FHIT: variants seen among roughly 807,000 people sequenced by gnomAD.
The protein encoded by FHIT is fragile histidine triad diadenosine triphosphatase.
FHIT carries 19 observed loss-of-function variants against 17.9 expected under a neutral mutation model. The observed-to-expected ratio is 1.06, with a 90% CI of 0.74 to 1.56. The LOEUF is 1.56. Ranked by LOEUF, FHIT falls within the 40% of genes most tolerant of loss-of-function variation. The pLI is 0.00. For synonymous variants in FHIT, 81 were observed against 69.7 expected, an observed-to-expected ratio of 1.16 and a Z score of -0.81; for missense variants, 248 against 189.2, an observed-to-expected ratio of 1.31 and a Z score of -1.82.
chr3:60,504,299 T>C (rs547985451), intron 5 of FHIT, among the ~76,000 whole-genome samples: 3 of 152,160 alleles, frequency 2.0e-5, no homozygotes, highest in Non-Finnish European at 4.4e-5. Flanking sequence ...CTGGGCATGG[T>C]GGCACGCGCC....
chr3:60,588,515 G>A (rs1250096635), intron 4 of FHIT, among the ~76,000 whole-genome samples: 30 of 151,704 alleles, frequency 2.0e-4, no homozygotes, highest in Non-Finnish European at 4.4e-5. Context: ...GGGAAGGAAG[G>A]GTATAGAGAT....
At chr3:60,742,421 T>C (rs1156727841) in intron 4 of FHIT, among the ~76,000 whole-genome samples, 12 of 152,202 alleles carry the variant, frequency 7.9e-5, no homozygotes, top group African/African-American at 2.7e-4. Flanking sequence ...AAGGTCTATA[T>C]TCTTCATTCC....
At chr3:61,039,094 G>C (rs1289516615) in intron 3 of FHIT, among the ~76,000 whole-genome samples, 2 of 152,178 alleles carry the variant, frequency 1.3e-5, no homozygotes, top group East Asian at 3.9e-4. Flanking sequence ...ATAAAGTAAA[G>C]ATTATATGAG....
chr3:60,652,164 G>C (rs1192933847), intron 4 of FHIT, among the ~76,000 whole-genome samples: 1 of 152,146 alleles, frequency 6.6e-6, no homozygotes, highest in Admixed American at 6.5e-5. Context: ...GGCTGAAAAG[G>C]GGGGTTAATT....
chr3:60,660,221 A>G (rs1553690696), intron 4 of FHIT, among the ~76,000 whole-genome samples: 1 of 152,182 alleles, frequency 6.6e-6, no homozygotes, highest in Non-Finnish European at 1.5e-5. Flanking sequence ...GCTTGCAACA[A>G]TGGAAGGAAA....
intron 4 of FHIT, among the ~76,000 whole-genome samples, chr3:60,663,602 A>G (rs1294430645): frequency 6.6e-6 from 1 of 151,662 alleles, no homozygotes; most frequent in African/African-American, 2.4e-5. Flanking sequence ...TGCCCGGCTA[A>G]TTTTTTGTAT....
intron 8 of FHIT, among the ~76,000 whole-genome samples, chr3:59,803,779 T>C (rs1226888276): frequency 6.6e-6 from 1 of 151,904 alleles, no homozygotes; most frequent in Non-Finnish European, 1.5e-5. Flanking sequence ...TGCCAGGTAA[T>C]AATAAATCCC....
chr3:60,702,603 T>G (rs1553702480), intron 4 of FHIT, among the ~76,000 whole-genome samples: 1 of 152,112 alleles, frequency 6.6e-6, no homozygotes, highest in East Asian at 1.9e-4. Context: ...TTTGTGATCA[T>G]CCAGCTAACA....
intron 7 of FHIT, among the ~76,000 whole-genome samples, chr3:59,956,591 C>G (rs113149487): frequency 6.6e-6 from 1 of 152,066 alleles, no homozygotes; most frequent in Non-Finnish European, 1.5e-5. Flanking sequence ...TTGCTTGAAC[C>G]CGGGAGGGAG....
intron 3 of FHIT, among the ~76,000 whole-genome samples, chr3:60,962,310 T>C (rs1709495111): frequency 6.6e-6 from 1 of 152,242 alleles, no homozygotes; most frequent in South Asian, 2.1e-4. Flanking sequence ...AAGTTGCTTA[T>C]CAGCTTAAGG....
At chr3:60,447,491 A>T (rs386348) in intron 5 of FHIT, among the ~76,000 whole-genome samples, 29,577 of 152,076 alleles carry the variant, frequency 0.19, 4,391 homozygotes, top group African/African-American at 0.41. Flanking sequence ...TAGTTCAATG[A>T]TCTCTTTTAA....
chr3:59,939,188 A>G (rs1297840822), intron 7 of FHIT, among the ~76,000 whole-genome samples: 1 of 152,116 alleles, frequency 6.6e-6, no homozygotes, highest in Non-Finnish European at 1.5e-5. Flanking sequence ...TGAAAAATTG[A>G]TCATGTTTCT....
chr3:60,556,182 C>T (rs138693604), intron 4 of FHIT, among the ~76,000 whole-genome samples: 1 of 152,252 alleles, frequency 6.6e-6, no homozygotes, highest in South Asian at 2.1e-4. Flanking sequence ...CGTCTATATA[C>T]AGACCTTCCT....
chr3:60,921,902 T>C (rs138548483), intron 3 of FHIT, among the ~76,000 whole-genome samples: 43 of 152,248 alleles, frequency 2.8e-4, no homozygotes, highest in Non-Finnish European at 5.0e-4. Flanking sequence ...AGTGTAATAA[T>C]AGTAATTTAA....
At chr3:60,131,002 CAT>C (rs1344422772) in intron 5 of FHIT, among the ~76,000 whole-genome samples, 1 of 69,224 alleles carries the variant, frequency 1.4e-5, no homozygotes, top group African/African-American at 7.5e-5. Flanking sequence ...CACATATATA[CAT>C]ATGTGTATAT....
intron 2 of FHIT, among the ~76,000 whole-genome samples, chr3:61,056,616 T>C (rs78758586): frequency 0.051 from 7,740 of 152,188 alleles, 281 homozygotes; most frequent in African/African-American, 0.079. Flanking sequence ...GAGTGAGCCA[T>C]GTAACACGCC....
chr3:60,328,886 G>A (rs917929542), intron 5 of FHIT, among the ~76,000 whole-genome samples: 4 of 152,156 alleles, frequency 2.6e-5, no homozygotes, highest in African/African-American at 9.6e-5. Flanking sequence ...TGAAAATGGT[G>A]CCTTTAATTT....
At chr3:60,260,959 G>A (rs13060801) in intron 5 of FHIT, among the ~76,000 whole-genome samples, 45,894 of 151,722 alleles carry the variant, frequency 0.3, 7,166 homozygotes, top group African/African-American at 0.32. Context: ...TACACTATAT[G>A]GTCTAAAAAG....
chr3:60,781,185 A>G (rs782352455), intron 4 of FHIT, among the ~76,000 whole-genome samples: 1 of 152,174 alleles, frequency 6.6e-6, no homozygotes, highest in Non-Finnish European at 1.5e-5. Flanking sequence ...CAATAGTTTA[A>G]TACTTTAAAA....
Sources: gnomAD v4.1 joint callset for allele counts (sites outside exome capture counted in the v4.1 genomes callset) on GRCh38, gnomAD v4.1.1 for gene constraint, MANE v1.5 for transcripts, NCBI Gene and HGNC (gene_info 2026-07-23, HGNC 2026-07-21) for gene names.